MRTFB: variants seen among roughly 807,000 people sequenced by gnomAD.
MRTFB encodes the protein myocardin-related transcription factor B.
In MRTFB, 29 loss-of-function variants were observed where a neutral mutation model predicts 104.2. The observed-to-expected ratio is 0.28, with a 90% CI of 0.21 to 0.38. The LOEUF (loss-of-function observed/expected upper bound fraction) is 0.38, where lower values mean the gene tolerates loss of function less well. Ranked by LOEUF, MRTFB falls within the 10% of genes least tolerant of loss-of-function variation. The pLI is 1.00. For synonymous variants in MRTFB, 535 were observed against 519.5 expected, an observed-to-expected ratio of 1.03 and a Z score of -0.41; for missense variants, 1,270 against 1,341.6, an observed-to-expected ratio of 0.95 and a Z score of 0.83.
In MRTFB at chr16:14,245,524, G is replaced by T; in HGVS notation, c.1080-4G>T. 6.2e-7 allele frequency: 1 copy of T among 1,600,116 alleles called. No homozygotes were observed. The highest frequency in any genetic ancestry group is 1.1e-5 in the South Asian group (1 of 87,012). ...TAAACTCTAATTTTTGTTTTCTTTT[G>T]AAGGCCACTCAATGACAAAAATAGT... On this transcript the variant is annotated splice_region_variant and splice_polypyrimidine_tract_variant and intron_variant, in intron 10 of 16. Transcript: ENST00000571589.
intron 2 of MRTFB, among the ~76,000 whole-genome samples, chr16:14,118,869 G>GT (rs1214943323): frequency 1.3e-5 from 2 of 151,842 alleles, no homozygotes; most frequent in African/African-American, 4.8e-5. Flanking sequence ...TCTGTGGCTT[G>GT]CTTTTTTCAT....
In MRTFB at chr16:14,251,924, T is replaced by G; in HGVS notation, c.2466T>G (p.Ala822=). ...CATATCAGAGACATCCTGCCCCAGC[T>G]GTCCAGCAGCCCTTTATCAATAAGG... The part of the protein sequence containing the change: ...VLPYQRHPAP[A]VQQPFINKAS... Residue 822 remains alanine, a synonymous_variant, in exon 14 of 17, where the codon GCT becomes GCG. Coordinates refer to ENST00000571589, the MANE Select transcript of MRTFB (RefSeq NM_001308142.2). The G allele has an allele frequency of 6.2e-7, 1 of 1,614,228 alleles. No homozygotes were observed. Among genetic ancestry groups the G allele is most frequent in the Non-Finnish European group, 8.5e-7 (1 of 1,180,028 alleles).
chr16:14,001,606 G>T, the MRTFB span, among the ~76,000 whole-genome samples: 1 of 152,250 alleles, frequency 6.6e-6, no homozygotes, highest in Non-Finnish European at 1.5e-5. Context: ...GGTGACTTCA[G>T]CAGCCACCCA....
chr16:14,073,069 CG>C (rs1255811741), intron 1 of MRTFB, among the ~76,000 whole-genome samples: 1 of 152,184 alleles, frequency 6.6e-6, no homozygotes, highest in East Asian at 1.9e-4. Flanking sequence ...AGGAAACGAT[CG>C]CTAATGTTTA....
chr16:14,188,798 T>A (rs1046597005), intron 3 of MRTFB, among the ~76,000 whole-genome samples: 2 of 152,232 alleles, frequency 1.3e-5, no homozygotes, highest in Non-Finnish European at 2.9e-5. Flanking sequence ...TGCCAGTTTC[T>A]CATCTCTCTT....
At chr16:14,080,320 T>G (rs1310400677) in intron 2 of MRTFB, among the ~76,000 whole-genome samples, 2 of 152,248 alleles carry the variant, frequency 1.3e-5, no homozygotes, top group African/African-American at 4.8e-5. Context: ...TTGTTAATGT[T>G]AATGTATATG....
chr16:14,197,484 G>A (rs947296596), intron 3 of MRTFB, among the ~76,000 whole-genome samples: 1 of 152,124 alleles, frequency 6.6e-6, no homozygotes, highest in Non-Finnish European at 1.5e-5. Flanking sequence ...CCGCAATGAA[G>A]TGAAACGGTG....
intron 3 of MRTFB, among the ~76,000 whole-genome samples, chr16:14,169,757 G>A (rs1239163939): frequency 1.3e-5 from 2 of 152,146 alleles, no homozygotes; most frequent in Admixed American, 6.5e-5. Flanking sequence ...ATGCATGGTG[G>A]TGCATGCCTG....
upstream of MRTFB, among the ~76,000 whole-genome samples, chr16:14,068,597 C>T (rs539217249): frequency 3.3e-4 from 50 of 152,152 alleles, no homozygotes; most frequent in African/African-American, 1.1e-3. Context: ...TGTGTCGTTG[C>T]GTGTTGCTGT....
chr16:14,085,474 A>T (rs1432160455), intron 2 of MRTFB, among the ~76,000 whole-genome samples: 1 of 151,708 alleles, frequency 6.6e-6, no homozygotes, highest in Non-Finnish European at 1.5e-5. Flanking sequence ...AAAAAAAAAA[A>T]AGCGAAAAGG....
At chr16:14,240,604 T>C in intron 10 of MRTFB, 120 bp downstream of exon 10, 32 of 1,522,620 alleles carry the variant, frequency 2.1e-5, no homozygotes, top group Non-Finnish European at 2.9e-5. Flanking sequence ...TTTTCATTTC[T>C]TTGTTATCAG....
At chr16:14,005,588 C>T in the MRTFB span, among the ~76,000 whole-genome samples, 5 of 152,088 alleles carry the variant, frequency 3.3e-5, no homozygotes, top group Non-Finnish European at 5.9e-5. Flanking sequence ...GAGGGCAGAG[C>T]GGGGACTCAA....
the MRTFB span, among the ~76,000 whole-genome samples, chr16:14,039,036 C>T: frequency 6.6e-6 from 1 of 152,198 alleles, no homozygotes; most frequent in Non-Finnish European, 1.5e-5. Context: ...AGTTATCTCC[C>T]ACTGGGTCCC....
the MRTFB span, among the ~76,000 whole-genome samples, chr16:14,063,561 T>G: frequency 6.6e-6 from 1 of 152,182 alleles, no homozygotes; most frequent in South Asian, 2.1e-4. Context: ...TGTGTCCACA[T>G]CTGCTCAATG....
chr16:14,078,991 C>T (rs758094877), intron 1 of MRTFB, among the ~76,000 whole-genome samples: 4 of 152,042 alleles, frequency 2.6e-5, no homozygotes, highest in Admixed American at 6.6e-5. Context: ...GTGGTAGAAC[C>T]GGGATCTAAT....
intron 3 of MRTFB, among the ~76,000 whole-genome samples, chr16:14,192,816 T>G (rs1434732054): frequency 2.0e-5 from 3 of 152,152 alleles, no homozygotes; most frequent in African/African-American, 7.2e-5. Context: ...CCACCAAACA[T>G]TCTTCCAGGG....
At chr16:14,119,670 G>C (rs1051482253) in intron 2 of MRTFB, among the ~76,000 whole-genome samples, 1 of 152,028 alleles carries the variant, frequency 6.6e-6, no homozygotes, top group African/African-American at 2.4e-5. Context: ...TTTGCTTATA[G>C]GAGAAAAAAT....
intron 3 of MRTFB, among the ~76,000 whole-genome samples, chr16:14,167,881 G>C (rs1238846382): frequency 6.6e-6 from 1 of 152,118 alleles, no homozygotes; most frequent in Admixed American, 6.5e-5. Flanking sequence ...TAGAGATGGG[G>C]TTTCACCGTG....
At chr16:14,027,640 T>C in the MRTFB span, among the ~76,000 whole-genome samples, 1 of 152,194 alleles carries the variant, frequency 6.6e-6, no homozygotes, top group Non-Finnish European at 1.5e-5. Flanking sequence ...GATGTTATCA[T>C]GGGGGAAGCT....
Sources: allele counts gnomAD v4.1 joint callset (sites outside exome capture counted in the v4.1 genomes callset), GRCh38; gene constraint gnomAD v4.1.1; transcripts MANE v1.5; gene names NCBI Gene and HGNC (gene_info 2026-07-23, HGNC 2026-07-21).